ESCO1: variants seen among roughly 807,000 people sequenced by gnomAD.
ESCO1 encodes N-acetyltransferase ESCO1.
ESCO1 carries 33 observed loss-of-function variants against 83.5 expected under a neutral mutation model. The ratio of observed to expected loss-of-function variants is 0.40; its 90% CI spans 0.30 to 0.53. ESCO1 has a LOEUF of 0.53. Among genes scored for constraint, ESCO1 ranks in the 20% least tolerant of loss-of-function variants. The probability of loss-of-function intolerance (pLI) is 0.63; values close to 1 mark genes in which losing one functional copy is unlikely to be tolerated. For missense variants in ESCO1, 855 were observed against 968.0 expected (o/e 0.88, Z 1.55); for synonymous variants, 332 against 324.3 (o/e 1.02, Z -0.25).
intron 1 of ESCO1, among the ~76,000 whole-genome samples, chr18:21,594,962 TG>T (rs2038739760): frequency 6.6e-6 from 1 of 151,262 alleles, no homozygotes. Context: ...TGTGTGTGTG[TG>T]TGTATCTTTT....
rs1227298516 is a variant in ESCO1 at position 21,564,628 on chromosome 18, CCTCGTGAT to C, written c.1707-319_1707-312del. ...AGCCAGGATGGTCTCGATCTCCTGA[CCTCGTGAT>C]CCGCCTGCCTCAGCCTCCCAAAGTG... On this transcript the variant is annotated intron_variant, in intron 6 of 11. Coordinates refer to ENST00000269214, the MANE Select transcript of ESCO1 (RefSeq NM_052911.3). 3.3e-5 allele frequency among the ~76,000 whole-genome samples: 5 copies of C among 151,724 alleles called. No homozygotes were observed. In the East Asian group the frequency reaches 9.9e-4, roughly 30 times the overall value.
At chr18:21,588,099 CAA>C (rs200101799) in intron 1 of ESCO1, among the ~76,000 whole-genome samples, 28 of 82,636 alleles carry the variant, frequency 3.4e-4, no homozygotes, top group East Asian at 8.9e-4. Context: ...GGATCCATCT[CAA>C]AAAAAAAAAA....
At chr18:21,599,860 T>A (rs978850856) in intron 1 of ESCO1, among the ~76,000 whole-genome samples, 5 of 152,088 alleles carry the variant, frequency 3.3e-5, no homozygotes, top group Non-Finnish European at 7.4e-5. Flanking sequence ...CTGTGCAAAA[T>A]AAACCCCCAT....
chr18:21,560,992 TA>T lies in ESCO1; in HGVS notation c.1822-3del, dbSNP rs1265534071. 6.3e-7 allele frequency: 1 copy of T among 1,575,372 alleles called. No homozygotes were observed. The highest frequency in any genetic ancestry group is 8.6e-7 in the Non-Finnish European group (1 of 1,165,544). ...TCCAAATCTTTTTTGTCCTGCATCC[TA>T]TTTACAAAAAACACACAAAAGTTTT... On this transcript the variant is annotated splice_polypyrimidine_tract_variant and splice_region_variant and intron_variant, in intron 7 of 11. Transcript: ENST00000269214.
Position 21,538,149 on chromosome 18 carries a change from G to A in ESCO1, c.2043+1771C>T, listed in dbSNP as rs1360379490. ...TAGGCTATTAGCAGTTAAGTTTTGG[G>A]GGAATCAAAAGTTGTACTTGGGCTG... On this transcript the variant is annotated intron_variant, in intron 9 of 11. Coordinates refer to ENST00000269214, the MANE Select transcript of ESCO1 (RefSeq NM_052911.3). Among the ~76,000 whole-genome samples the A allele has an allele frequency of 2.6e-5, 4 of 151,904 alleles. No homozygotes were observed. In the East Asian group the frequency reaches 7.7e-4, roughly 29 times the overall value.
chr18:21,544,809 A>G (rs535694542), intron 8 of ESCO1, among the ~76,000 whole-genome samples: 1 of 152,332 alleles, frequency 6.6e-6, no homozygotes, highest in South Asian at 2.1e-4. Flanking sequence ...CTTGTTTTGG[A>G]AAATTCAAAT....
intron 8 of ESCO1, 60 bp downstream of exon 8, chr18:21,560,799 A>G: frequency 6.3e-7 from 1 of 1,576,690 alleles, no homozygotes; most frequent in Non-Finnish European, 8.5e-7. Flanking sequence ...AACTCATCTC[A>G]TTAAGAGACC....
At chr18:21,586,462 C>T (rs1378630363) in intron 1 of ESCO1, among the ~76,000 whole-genome samples, 1 of 152,188 alleles carries the variant, frequency 6.6e-6, no homozygotes, top group African/African-American at 2.4e-5. Context: ...CTATTGTGAA[C>T]AGTGCCACAA....
At position 21,564,334 on chromosome 18, in the gene ESCO1, TTACTAAATGTTACAGATCCA is replaced by T; in HGVS notation, c.1707-37_1707-18del. ...GGTGTCTCCCTTAAAAAAAATAAAA[TTACTAAATGTTACAGATCCA>T]AGTCATTTCACATCATTTGAAGGGG... On this transcript the variant is annotated intron_variant, in intron 6 of 11. Coordinates refer to ENST00000269214, the MANE Select transcript of ESCO1 (RefSeq NM_052911.3). 1.4e-6 allele frequency: 2 copies of T among 1,444,884 alleles called. No individual in the cohort carries two copies. Among genetic ancestry groups the T allele is most frequent in the Non-Finnish European group, 1.9e-6 (2 of 1,042,028 alleles). 89.5% of individuals were successfully genotyped at this position (1,444,884 alleles called of 1,614,324 possible).
rs1403598938 is a variant in ESCO1 at position 21,574,129 on chromosome 18, G to A, written c.715C>T (p.Pro239Ser). The A allele has an allele frequency of 1.8e-5, 29 of 1,613,476 alleles. No individual in the cohort carries two copies. The highest frequency in any genetic ancestry group is 2.5e-5 in the Non-Finnish European group (29 of 1,180,002). Residue 239 changes from proline to serine, a missense_variant, in exon 4 of 12, where the codon CCT becomes TCT. Around this residue, in one of 2 missense-constraint regions of ESCO1, gnomAD observed 726 missense variants for 699.5 expected, o/e 1.04. Coordinates refer to ENST00000269214, the MANE Select transcript of ESCO1 (RefSeq NM_052911.3). ...TTCACCTCAGAAGTTACAGGCACAGGTTTCGTTTCGTCTCTTCTAGTAGTC... is the reference window on the plus strand; with the variant it reads ...TTCACCTCAGAAGTTACAGGCACAGATTTCGTTTCGTCTCTTCTAGTAGTC... ...QKTTRRDETK[P>S]VPVTSEVKRS...
intron 4 of ESCO1, among the ~76,000 whole-genome samples, chr18:21,571,370 G>A (rs2038339178): frequency 6.6e-6 from 1 of 152,030 alleles, no homozygotes; most frequent in Non-Finnish European, 1.5e-5. Flanking sequence ...TGTATTTTTA[G>A]AAGAGATGGG....
At chr18:21,577,330 C>G (rs1349524415) in intron 2 of ESCO1, among the ~76,000 whole-genome samples, 2 of 132,534 alleles carry the variant, frequency 1.5e-5, no homozygotes, top group African/African-American at 5.7e-5. Context: ...GCACTCCACC[C>G]TGGGCAACAA....
chr18:21,536,239 A>C, intron 9 of ESCO1, 54 bp from the exon 10 acceptor site: 1 of 1,550,872 alleles, frequency 6.4e-7, no homozygotes. Context: ...TATACATGTA[A>C]AAACACACTA....
chr18:21,562,799 T>C (rs2038206189), intron 7 of ESCO1, among the ~76,000 whole-genome samples: 1 of 152,294 alleles, frequency 6.6e-6, no homozygotes, highest in African/African-American at 2.4e-5. Context: ...TAATTTAAAA[T>C]GTAACTTTAA....
At chr18:21,547,284 T>C (rs1040180177) in intron 8 of ESCO1, among the ~76,000 whole-genome samples, 2 of 151,248 alleles carry the variant, frequency 1.3e-5, no homozygotes, top group East Asian at 1.9e-4. Flanking sequence ...AGTTAATAAA[T>C]GTTTAAGAAA....
At chr18:21,555,009 T>C (rs1363811681) in intron 8 of ESCO1, among the ~76,000 whole-genome samples, 1 of 152,124 alleles carries the variant, frequency 6.6e-6, no homozygotes, top group African/African-American at 2.4e-5. Flanking sequence ...GGCAGGAGAA[T>C]TGCTTGAACC....
intron 8 of ESCO1, among the ~76,000 whole-genome samples, chr18:21,548,782 G>C (rs2038007445): frequency 6.6e-6 from 1 of 152,008 alleles, no homozygotes; most frequent in African/African-American, 2.4e-5. Flanking sequence ...TCTACAAAAA[G>C]TAAAATAATC....
intron 7 of ESCO1, among the ~76,000 whole-genome samples, chr18:21,563,864 T>G (rs1350539835): frequency 6.6e-6 from 1 of 150,684 alleles, no homozygotes; most frequent in Non-Finnish European, 1.5e-5. Context: ...TAGAGGTGAA[T>G]CCCGCACAAA....
chr18:21,577,054 G>T (rs954285051), intron 2 of ESCO1, among the ~76,000 whole-genome samples: 1 of 150,198 alleles, frequency 6.7e-6, no homozygotes, highest in African/African-American at 2.5e-5. Context: ...AAGAAAATGG[G>T]ACTCAAAAAA....
Sources: gnomAD v4.1 joint callset for allele counts (sites outside exome capture counted in the v4.1 genomes callset) on GRCh38, gnomAD v4.1.1 for gene constraint, gnomAD v4.1.1 regional missense constraint, MANE v1.5 for transcripts, NCBI Gene and HGNC (gene_info 2026-07-23, HGNC 2026-07-21) for gene names.